Variants in GPR158 observed in about 807,000 individuals in gnomAD.
The protein encoded by GPR158 is metabotropic glycine receptor.
In GPR158, 30 loss-of-function variants were observed where a neutral mutation model predicts 78.2. The observed-to-expected ratio is 0.38, with a 90% CI of 0.29 to 0.52. The LOEUF (loss-of-function observed/expected upper bound fraction) is 0.52, where lower values mean the gene tolerates loss of function less well. Ranked by LOEUF, GPR158 falls within the 20% of genes least tolerant of loss-of-function variation. The pLI is 0.83. For missense variants in GPR158, 1,463 were observed against 1,523.5 expected (o/e 0.96, Z 0.66); for synonymous variants, 581 against 591.1 (o/e 0.98, Z 0.25).
intron 4 of GPR158, among the ~76,000 whole-genome samples, chr10:25,432,146 A>G (rs1347761718): frequency 6.6e-6 from 1 of 152,236 alleles, no homozygotes; most frequent in Non-Finnish European, 1.5e-5. Context: ...CCAATCAAAC[A>G]AACCTCTTAG....
chr10:25,404,574 T>G (rs754206726), intron 3 of GPR158, among the ~76,000 whole-genome samples: 16 of 152,132 alleles, frequency 1.1e-4, no homozygotes, highest in African/African-American at 4.8e-5. Context: ...CTATGATATC[T>G]CTCCTACTTG....
intron 2 of GPR158, among the ~76,000 whole-genome samples, chr10:25,257,725 A>G (rs1466723043): frequency 6.6e-6 from 1 of 152,144 alleles, no homozygotes; most frequent in African/African-American, 2.4e-5. Context: ...ATATTATATC[A>G]TTAACTTGTG....
At chr10:25,425,134 C>A (rs371452532) in intron 4 of GPR158, among the ~76,000 whole-genome samples, 2 of 152,044 alleles carry the variant, frequency 1.3e-5, no homozygotes, top group African/African-American at 2.4e-5. Flanking sequence ...GTATTTTATT[C>A]TCTTCAATTG....
At chr10:25,314,518 G>T (rs2130467833) in intron 2 of GPR158, among the ~76,000 whole-genome samples, 1 of 151,994 alleles carries the variant, frequency 6.6e-6, no homozygotes, top group African/African-American at 2.4e-5. Flanking sequence ...TAAAAAACAA[G>T]TATATTTTTT....
chr10:25,430,707 G>T (rs1205926481), intron 4 of GPR158, among the ~76,000 whole-genome samples: 2 of 134,540 alleles, frequency 1.5e-5, no homozygotes, highest in Non-Finnish European at 3.3e-5. Flanking sequence ...AAATAATGCC[G>T]CATACCTACA....
chr10:25,431,837 C>A (rs1020744773), intron 4 of GPR158, among the ~76,000 whole-genome samples: 5 of 152,088 alleles, frequency 3.3e-5, no homozygotes, highest in African/African-American at 1.2e-4. Flanking sequence ...GGAAGGGGAA[C>A]ATCACACTCT....
At chr10:25,511,719 A>G (rs189549835) in intron 5 of GPR158, among the ~76,000 whole-genome samples, 1 of 152,190 alleles carries the variant, frequency 6.6e-6, no homozygotes, top group Non-Finnish European at 1.5e-5. Context: ...ATAAGGTGAG[A>G]GATGAGGATC....
intron 5 of GPR158, among the ~76,000 whole-genome samples, chr10:25,536,471 A>G (rs1044015785): frequency 2.0e-5 from 3 of 152,294 alleles, no homozygotes; most frequent in Non-Finnish European, 4.4e-5. Flanking sequence ...GAAGAAGTGT[A>G]AAGTCTCCAG....
intron 4 of GPR158, among the ~76,000 whole-genome samples, chr10:25,428,689 G>C (rs1428726822): frequency 6.6e-6 from 1 of 151,996 alleles, no homozygotes; most frequent in Non-Finnish European, 1.5e-5. Context: ...AGTTACCAAA[G>C]GAGAATGTAT....
rs1286912510 is a variant in GPR158, at chr10:25,176,807, G to A, written c.902+485G>A. Among the ~76,000 whole-genome samples, 3 of 152,198 alleles carry A rather than the reference G, an allele frequency of 2.0e-5. No homozygotes were observed. Among genetic ancestry groups the A allele is most frequent in the Admixed American group, 2.0e-4 (3 of 15,286 alleles). On this transcript the variant is annotated intron_variant, in intron 1 of 10. Transcript: ENST00000376351. The surrounding 1 kb of genome is among the most constrained non-coding windows in gnomAD (Gnocchi z 6.3). ...GGGGTAGCCTCTGCCTGCTTCCTAC[G>A]TGTGCAGTTGGGGGCACCGGTCTGT...
In GPR158 at chr10:25,237,496, C is replaced by T. The variant is rs1297175437; in HGVS notation, c.1008+16339C>T. ...TATTTTTAGAATCAAATAAAAACTGCATATGCCATAATGACTCAGTTATGT... is the reference window on the plus strand; with the variant it reads ...TATTTTTAGAATCAAATAAAAACTGTATATGCCATAATGACTCAGTTATGT... On this transcript the variant is annotated intron_variant, in intron 2 of 10. Coordinates refer to ENST00000376351, the MANE Select transcript of GPR158 (RefSeq NM_020752.3). Among the ~76,000 whole-genome samples the T allele has an allele frequency of 2.6e-5, 4 of 152,172 alleles. No homozygotes were observed. The East Asian group carries it at 7.7e-4, about 29-fold the overall frequency.
intron 4 of GPR158, among the ~76,000 whole-genome samples, chr10:25,456,067 A>G (rs1835286935): frequency 1.3e-5 from 2 of 152,154 alleles, no homozygotes; most frequent in Admixed American, 6.5e-5. Flanking sequence ...CTAAATAACA[A>G]TCGCTACCCT....
intron 2 of GPR158, among the ~76,000 whole-genome samples, chr10:25,335,369 G>T (rs1349375601): frequency 1.3e-5 from 2 of 151,996 alleles, no homozygotes; most frequent in Admixed American, 6.6e-5. Context: ...TGCGATAACA[G>T]CTCCTTTTGT....
chr10:25,382,322 T>C (rs1447541606), intron 2 of GPR158, among the ~76,000 whole-genome samples: 1 of 152,202 alleles, frequency 6.6e-6, no homozygotes, highest in Non-Finnish European at 1.5e-5. Context: ...TGCAGACTTG[T>C]AATGTGTCTG....
intron 1 of GPR158, among the ~76,000 whole-genome samples, chr10:25,205,254 T>C (rs1436998229): frequency 3.3e-5 from 5 of 151,262 alleles, no homozygotes; most frequent in Non-Finnish European, 7.4e-5. Flanking sequence ...CATTTCTAAT[T>C]GTGTTTATTT....
At chr10:25,517,497 A>T (rs202178007) in intron 5 of GPR158, among the ~76,000 whole-genome samples, 49 of 152,028 alleles carry the variant, frequency 3.2e-4, no homozygotes, top group Non-Finnish European at 3.1e-4. Flanking sequence ...AGTATGATAT[A>T]GGCTGTGGGT....
At chr10:25,429,713 A>T (rs1834872376) in intron 4 of GPR158, among the ~76,000 whole-genome samples, 1 of 149,506 alleles carries the variant, frequency 6.7e-6, no homozygotes, top group African/African-American at 2.5e-5. Context: ...AATATATGCA[A>T]ATCAATAAAT....
At chr10:25,240,427 T>G (rs138149290) in intron 2 of GPR158, among the ~76,000 whole-genome samples, 54 of 152,304 alleles carry the variant, frequency 3.5e-4, no homozygotes, top group African/African-American at 1.3e-3. Flanking sequence ...GAGAATCGCT[T>G]GAACCCAGGA....
At chr10:25,369,667 A>G (rs1206154689) in intron 2 of GPR158, among the ~76,000 whole-genome samples, 3 of 151,834 alleles carry the variant, frequency 2.0e-5, no homozygotes, top group Admixed American at 6.6e-5. Flanking sequence ...TGCTGTCAGG[A>G]TGATGCTGGC....
Sources: allele counts gnomAD v4.1 joint callset (sites outside exome capture counted in the v4.1 genomes callset), GRCh38; gene constraint gnomAD v4.1.1; non-coding constraint Gnocchi (gnomAD v3.1); transcripts MANE v1.5; gene names NCBI Gene and HGNC (gene_info 2026-07-23, HGNC 2026-07-21).